SNX29: variants seen among roughly 807,000 people sequenced by gnomAD.
SNX29 encodes sorting nexin-29.
Under a neutral mutation model 102.1 loss-of-function variants are expected in SNX29, and 78 were observed. The observed-to-expected ratio is 0.76, with a 90% CI of 0.64 to 0.92. The LOEUF is 0.92. Among genes scored for constraint, SNX29 ranks in the 40% least tolerant of loss-of-function variants. SNX29 has a pLI of 0.00. For synonymous variants in SNX29, 580 were observed against 414.5 expected, an observed-to-expected ratio of 1.40 and a Z score of -4.85; for missense variants, 1,280 against 1,061.7, an observed-to-expected ratio of 1.21 and a Z score of -2.86.
intron 15 of SNX29, among the ~76,000 whole-genome samples, chr16:12,334,371 G>C (rs1034085133): frequency 6.6e-6 from 1 of 152,154 alleles, no homozygotes; most frequent in Admixed American, 6.5e-5. Flanking sequence ...CTGTCTTCCT[G>C]TGTAGGTGAG....
chr16:12,175,257 C>G (rs958246910), intron 13 of SNX29, among the ~76,000 whole-genome samples: 1 of 152,006 alleles, frequency 6.6e-6, no homozygotes, highest in African/African-American at 2.4e-5. Context: ...GTCCGCCTAC[C>G]CCCCGAATAT....
chr16:12,562,431 A>G (rs1272904276), intron 20 of SNX29, among the ~76,000 whole-genome samples: 1 of 152,190 alleles, frequency 6.6e-6, no homozygotes, highest in Non-Finnish European at 1.5e-5. Flanking sequence ...TAAAGTGCAC[A>G]CAGCTTGCTA....
At chr16:12,424,045 C>CT (rs1225968491) in intron 18 of SNX29, among the ~76,000 whole-genome samples, 2 of 152,218 alleles carry the variant, frequency 1.3e-5, no homozygotes, top group Non-Finnish European at 2.9e-5. Flanking sequence ...GGAATCAGGG[C>CT]TACTGGCAGC....
intron 13 of SNX29, among the ~76,000 whole-genome samples, chr16:12,194,378 T>C (rs1338664770): frequency 1.3e-5 from 2 of 152,162 alleles, no homozygotes; most frequent in Non-Finnish European, 2.9e-5. Context: ...TGACCATTTT[T>C]GTCAGTTCTT....
intron 15 of SNX29, among the ~76,000 whole-genome samples, chr16:12,322,959 G>C (rs1295558124): frequency 3.4e-4 from 39 of 114,798 alleles, no homozygotes; most frequent in Non-Finnish European, 5.2e-4. Flanking sequence ...GGAGTCACCG[G>C]GGACCACTGT....
intron 13 of SNX29, among the ~76,000 whole-genome samples, chr16:12,166,926 G>A (rs1382350935): frequency 6.6e-6 from 1 of 152,226 alleles, no homozygotes; most frequent in Admixed American, 6.5e-5. Context: ...AGAAGAAAAT[G>A]CTCCGTCTTT....
In SNX29 at chr16:12,366,776, T is replaced by A. The variant is rs76612635; in HGVS notation, c.1899+10497T>A. ...TGCTTCTCTTTTTGTTTTTCTTTTG[T>A]GTCTTTCTCTCCCTCTCTCTCCTTT... is the stretch of plus-strand genomic sequence containing the variant. On this transcript the variant is annotated intron_variant, in intron 16 of 20. Coordinates refer to ENST00000566228, the MANE Select transcript of SNX29 (RefSeq NM_032167.5). Among the ~76,000 whole-genome samples, 477 of 152,290 alleles carry A rather than the reference T, an allele frequency of 3.1e-3. 20 individuals carry two copies. In the East Asian group the frequency reaches 0.074, roughly 24 times the overall value.
At chr16:12,253,540 G>A (rs563094878) in intron 14 of SNX29, among the ~76,000 whole-genome samples, 5 of 152,302 alleles carry the variant, frequency 3.3e-5, no homozygotes, top group South Asian at 2.1e-4. Context: ...TTGAGAAGGC[G>A]TTGCCTGAGC....
Position 12,342,983 on chromosome 16 carries a change from T to C in SNX29, c.1783-13180T>C, listed in dbSNP as rs546136758. 1.9e-3 allele frequency among the ~76,000 whole-genome samples: 296 copies of C among 152,348 alleles called. 2 individuals are homozygous for C. Among genetic ancestry groups the C allele is most frequent in the African/African-American group, 6.8e-3 (281 of 41,586 alleles). On this transcript the variant is annotated intron_variant, in intron 15 of 20. Transcript: ENST00000566228. ...AGCTTTACGGGAGTGCTGTTGGGTG[T>C]GAGAAAGAGACTCTCAAAGGAAAAC...
chr16:12,062,177 G>A (rs565089732), intron 9 of SNX29, among the ~76,000 whole-genome samples: 125 of 152,064 alleles, frequency 8.2e-4, no homozygotes, highest in African/African-American at 2.8e-3. Context: ...TCAGGAGTTT[G>A]AGACCAGCCT....
At chr16:12,517,445 C>G (rs934044241) in intron 19 of SNX29, among the ~76,000 whole-genome samples, 3 of 152,342 alleles carry the variant, frequency 2.0e-5, no homozygotes, top group South Asian at 2.1e-4. Context: ...TCTTTGGAAT[C>G]AGGGAGCTGG....
rs893998327 is a variant in SNX29, at chr16:12,571,220, C to T, written c.*2591C>T. 8.6e-6 allele frequency: 2 copies of T among 232,240 alleles called. No homozygotes were observed. Among genetic ancestry groups the T allele is most frequent in the East Asian group, 6.1e-5 (1 of 16,484 alleles). The allele number at this position is 232,240 out of a possible 1,614,324, so 14.4% of individuals were successfully genotyped here. ...GGCAACAAACAACTGGCAGGGTTCC[C>T]AGTTCCTGGAGTTATGGAGCAGAAA... On this transcript the variant is annotated 3_prime_UTR_variant, in exon 21 of 21. Coordinates refer to ENST00000566228, the MANE Select transcript of SNX29 (RefSeq NM_032167.5).
intron 4 of SNX29, among the ~76,000 whole-genome samples, chr16:12,036,836 C>T (rs2057490064): frequency 6.6e-6 from 1 of 152,020 alleles, no homozygotes; most frequent in Non-Finnish European, 1.5e-5. Context: ...GCGTTATTTC[C>T]TGTGGTTGCA....
chr16:12,163,108 C>G (rs2055859277), intron 13 of SNX29, among the ~76,000 whole-genome samples: 1 of 152,170 alleles, frequency 6.6e-6, no homozygotes, highest in Non-Finnish European at 1.5e-5. Context: ...TCTCGAACTC[C>G]TGACCTCAGG....
intron 18 of SNX29, among the ~76,000 whole-genome samples, chr16:12,439,862 T>C (rs951930088): frequency 6.6e-6 from 1 of 152,220 alleles, no homozygotes; most frequent in African/African-American, 2.4e-5. Flanking sequence ...ACATGCTTGG[T>C]GCAGGGTGGG....
chr16:12,069,239 C>A, intron 10 of SNX29, 107 bp downstream of exon 10: 2 of 881,214 alleles, frequency 2.3e-6, no homozygotes, highest in Non-Finnish European at 1.7e-6. Flanking sequence ...GATTAAAGGG[C>A]AAGGGTTTAC....
rs546906454 is a variant in SNX29, at chr16:12,433,661, C to CTGGGCGTGG, written c.2037+30147_2037+30155dup. Among the ~76,000 whole-genome samples, 40 of 142,174 alleles carry CTGGGCGTGG rather than the reference C, an allele frequency of 2.8e-4. 1 individual carries two copies. Among genetic ancestry groups the CTGGGCGTGG allele is most frequent in the East Asian group, 1.0e-3 (4 of 3,872 alleles). 93.3% of individuals were successfully genotyped at this position (142,174 alleles called of 152,430 possible). Reference sequence around the variant, plus strand: ...AAAAAAAAAAAAAAAGGAAACTTAGCTGGGCGTGGTGGGCGTGGTGGGCAT... The same window carrying CTGGGCGTGG: ...AAAAAAAAAAAAAAAGGAAACTTAGCTGGGCGTGGTGGGCGTGGTGGGCGTGGTGGGCAT... On this transcript the variant is annotated intron_variant, in intron 18 of 20. Transcript: ENST00000566228.
chr16:12,529,289 C>T (rs927829518), intron 20 of SNX29, among the ~76,000 whole-genome samples: 1 of 152,190 alleles, frequency 6.6e-6, no homozygotes, highest in Admixed American at 6.5e-5. Flanking sequence ...TCCCAACACC[C>T]ACATCTTTGG....
intron 18 of SNX29, among the ~76,000 whole-genome samples, chr16:12,437,793 C>G (rs763664352): frequency 6.6e-6 from 1 of 152,164 alleles, no homozygotes; most frequent in South Asian, 2.1e-4. Context: ...CACTTAATGT[C>G]TTTTTCGGCT....
Sources: gnomAD v4.1 joint callset for allele counts (sites outside exome capture counted in the v4.1 genomes callset) on GRCh38, gnomAD v4.1.1 for gene constraint, MANE v1.5 for transcripts, NCBI Gene and HGNC (gene_info 2026-07-23, HGNC 2026-07-21) for gene names.